The following PCDHA11 variants were observed in gnomAD, a reference collection of about 807,000 sequenced individuals.
The protein encoded by PCDHA11 is protocadherin alpha 11, also known as protocadherin alpha-11.
A neutral mutation model predicts 70.3 loss-of-function variants in PCDHA11; 61 were observed. The ratio of observed to expected loss-of-function variants is 0.87; its 90% CI spans 0.71 to 1.07. The LOEUF is 1.07. Ranked by LOEUF, PCDHA11 falls within the 50% of genes least tolerant of loss-of-function variation. The probability of loss-of-function intolerance (pLI) is 0.00; values close to 1 mark genes in which losing one functional copy is unlikely to be tolerated. For synonymous variants in PCDHA11, 633 were observed against 555.1 expected (o/e 1.14, Z -1.97); for missense variants, 1,324 against 1,237.5 (o/e 1.07, Z -1.05).
rs1479171365 is a variant in PCDHA11, at chr5:140,869,633, A to AT, written c.535dup (p.Ser179PhefsTer9). 9 of 1,613,494 alleles carry AT rather than the reference A, an allele frequency of 5.6e-6. No homozygotes were observed. In the African/African-American group the frequency reaches 8.0e-5, roughly 14 times the overall value. On this transcript the variant is annotated frameshift_variant, in exon 1 of 4. Coordinates refer to ENST00000398640, the MANE Select transcript of PCDHA11 (RefSeq NM_018902.5). LOFTEE classifies it high-confidence loss of function. ...ACCTACAGGCTAAGTAAAAATGAGT[A>AT]TTTTTCTTTAGATTCACCAACAAAT...
intron 1 of PCDHA11, among the ~76,000 whole-genome samples, chr5:140,941,191 T>TTTTTC (rs1554213809): frequency 1.8e-4 from 17 of 93,256 alleles, no homozygotes; most frequent in Middle Eastern, 5.1e-3. Context: ...GCTTCTTTTT[T>TTTTTC]TTTCTTTCTT....
At chr5:141,005,960 TA>T (rs1322848010) in intron 3 of PCDHA11, among the ~76,000 whole-genome samples, 2 of 151,500 alleles carry the variant, frequency 1.3e-5, no homozygotes, top group Non-Finnish European at 2.9e-5. Context: ...CAAACAACAA[TA>T]AAAAAACAAT....
intron 1 of PCDHA11, among the ~76,000 whole-genome samples, chr5:140,885,128 T>A (rs2060480813): frequency 6.6e-6 from 1 of 152,222 alleles, no homozygotes; most frequent in Non-Finnish European, 1.5e-5. Context: ...CTTTTCTTTC[T>A]TTCTTTTTTT....
intron 1 of PCDHA11, chr5:140,884,079 A>T (rs2059982825): frequency 3.1e-6 from 5 of 1,613,504 alleles, no homozygotes; most frequent in Non-Finnish European, 4.2e-6. Context: ...TCGGGCTACA[A>T]TGCGTGGCTT....
intron 3 of PCDHA11, among the ~76,000 whole-genome samples, chr5:140,990,473 C>G (rs1268910696): frequency 6.6e-6 from 1 of 152,186 alleles, no homozygotes; most frequent in Non-Finnish European, 1.5e-5. Flanking sequence ...TATCATGTAT[C>G]AAGCTGAATA....
chr5:140,927,505 G>C, intron 1 of PCDHA11: 2 of 1,614,120 alleles, frequency 1.2e-6, no homozygotes, highest in Middle Eastern at 1.6e-4. Context: ...GGTGCTTACA[G>C]CTCGGGACGG....
chr5:140,933,762 T>C (rs2089409260), intron 1 of PCDHA11, among the ~76,000 whole-genome samples: 1 of 152,128 alleles, frequency 6.6e-6, no homozygotes, highest in African/African-American at 2.4e-5. Flanking sequence ...AGTGAAGCTC[T>C]CTGTACCTAC....
chr5:140,871,760 G>C lies in PCDHA11; in HGVS notation c.2391+266G>C, dbSNP rs191249350. Among the ~76,000 whole-genome samples the C allele has an allele frequency of 5.4e-3, 815 of 152,314 alleles. 3 individuals are homozygous for C. Among genetic ancestry groups the C allele is most frequent in the Middle Eastern group, 0.014 (4 of 294 alleles). The stretch of plus-strand genomic sequence containing the variant: ...AAATCCTAAAAGAAATGAGATGCAA[G>C]AGTGACTCTTCTGTAGTCACTTGAG... On this transcript the variant is annotated intron_variant, in intron 1 of 3. Coordinates refer to ENST00000398640, the MANE Select transcript of PCDHA11 (RefSeq NM_018902.5).
chr5:140,990,686 G>A (rs1391341936), intron 3 of PCDHA11, among the ~76,000 whole-genome samples: 1 of 152,124 alleles, frequency 6.6e-6, no homozygotes, highest in Admixed American at 6.5e-5. Context: ...AGCTGCTTTC[G>A]GAGAGTCCAG....
At chr5:140,928,252 G>T in intron 1 of PCDHA11, 1 of 1,614,208 alleles carries the variant, frequency 6.2e-7, no homozygotes, top group Non-Finnish European at 8.5e-7. Flanking sequence ...GGAACTTTTC[G>T]TTGCTGAAAA....
At chr5:140,880,972 A>G (rs574204364) in intron 1 of PCDHA11, among the ~76,000 whole-genome samples, 94 of 152,374 alleles carry the variant, frequency 6.2e-4, no homozygotes, top group Non-Finnish European at 8.5e-4. Flanking sequence ...AGAGAATACC[A>G]AATACTCTGC....
intron 1 of PCDHA11, among the ~76,000 whole-genome samples, chr5:140,933,223 A>G (rs1005553040): frequency 1.3e-5 from 2 of 152,018 alleles, no homozygotes; most frequent in African/African-American, 4.8e-5. Context: ...GTTATATTGC[A>G]TTTATGAAAA....
At chr5:140,886,155 T>A (rs528104847) in intron 1 of PCDHA11, among the ~76,000 whole-genome samples, 1 of 152,330 alleles carries the variant, frequency 6.6e-6, no homozygotes, top group South Asian at 2.1e-4. Flanking sequence ...CACCTTTTTA[T>A]AGCCACATCT....
Position 140,943,173 on chromosome 5 carries a change from G to A in PCDHA11, c.2392-35776G>A, listed in dbSNP as rs143950290. On this transcript the variant is annotated intron_variant, in intron 1 of 3. Coordinates refer to ENST00000398640, the MANE Select transcript of PCDHA11 (RefSeq NM_018902.5). ...CTCTGGAGGCTGAGGCAGGAAAATC[G>A]CTTGAACCCTGGAGGTGGAGGCTGC... is the stretch of plus-strand genomic sequence containing the variant. Among the ~76,000 whole-genome samples the A allele has an allele frequency of 5.6e-3, 834 of 148,712 alleles. 7 individuals are homozygous for A. Among genetic ancestry groups the A allele is most frequent in the African/African-American group, 0.019 (751 of 40,052 alleles).
chr5:140,919,847 G>A (rs1309572866), intron 1 of PCDHA11, among the ~76,000 whole-genome samples: 1 of 152,200 alleles, frequency 6.6e-6, no homozygotes, highest in East Asian at 1.9e-4. Flanking sequence ...TTTGGAACCT[G>A]TGACCTCATT....
At chr5:140,898,366 A>G (rs1401153740) in intron 1 of PCDHA11, among the ~76,000 whole-genome samples, 1 of 152,132 alleles carries the variant, frequency 6.6e-6, no homozygotes, top group Non-Finnish European at 1.5e-5. Flanking sequence ...TAATTTTTGT[A>G]TAAGGTGTAA....
intron 3 of PCDHA11, among the ~76,000 whole-genome samples, chr5:141,008,842 T>C (rs1554261951): frequency 6.6e-6 from 1 of 152,214 alleles, no homozygotes; most frequent in East Asian, 1.9e-4. Context: ...TCTTACGCTG[T>C]GTATTCCCAT....
chr5:140,985,233 G>C (rs1447323173), intron 3 of PCDHA11, among the ~76,000 whole-genome samples: 4 of 152,084 alleles, frequency 2.6e-5, no homozygotes, highest in Non-Finnish European at 5.9e-5. Flanking sequence ...CACCGCGCCT[G>C]GCCTAATCTT....
intron 1 of PCDHA11, among the ~76,000 whole-genome samples, chr5:140,886,264 A>G (rs1471846282): frequency 6.6e-6 from 1 of 151,982 alleles, no homozygotes; most frequent in Non-Finnish European, 1.5e-5. Context: ...CTATTTATAG[A>G]TAAAATTTTT....
Sources: allele counts gnomAD v4.1 joint callset (sites outside exome capture counted in the v4.1 genomes callset), GRCh38; gene constraint gnomAD v4.1.1; transcripts MANE v1.5; gene names NCBI Gene and HGNC (gene_info 2026-07-23, HGNC 2026-07-21).